Variants in NGFR observed in about 807,000 individuals in gnomAD.
The protein encoded by NGFR is nerve growth factor receptor.
Under a neutral mutation model 43.2 loss-of-function variants are expected in NGFR, and 30 were observed. The observed-to-expected ratio is 0.69, with a 90% CI of 0.52 to 0.94. NGFR has a LOEUF of 0.94. Ranked by LOEUF, NGFR falls within the 40% of genes least tolerant of loss-of-function variation. NGFR has a pLI of 0.00. For synonymous variants in NGFR, 246 were observed against 259.6 expected (o/e 0.95, Z 0.50); for missense variants, 529 against 602.5 (o/e 0.88, Z 1.28).
intron 1 of NGFR, among the ~76,000 whole-genome samples, chr17:49,499,029 T>C (rs1335830445): frequency 6.6e-6 from 1 of 152,180 alleles, no homozygotes; most frequent in Non-Finnish European, 1.5e-5. Flanking sequence ...CAACCCAATG[T>C]TTTAGGTGAG....
chr17:49,513,298 A>C lies in NGFR; in HGVS notation c.*289A>C. The C allele has an allele frequency of 6.6e-6, 3 of 451,704 alleles. No homozygotes were observed. Among genetic ancestry groups the C allele is most frequent in the East Asian group, 3.7e-5 (1 of 27,244 alleles). The allele number at this position is 451,704 out of a possible 1,614,324, so 28.0% of individuals were successfully genotyped here. On this transcript the variant is annotated 3_prime_UTR_variant, in exon 6 of 6. Transcript: ENST00000172229. ...CTCAGGCCACCTGCCCCCTTCTCCCACACTGCTAGGTGGGCCAGCCCCTCC... is the reference window on the plus strand; with the variant it reads ...CTCAGGCCACCTGCCCCCTTCTCCCCCACTGCTAGGTGGGCCAGCCCCTCC...
In NGFR at chr17:49,514,732, T is replaced by C. The variant is rs1597866336; in HGVS notation, c.*1723T>C. On this transcript the variant is annotated 3_prime_UTR_variant, in exon 6 of 6. Coordinates refer to ENST00000172229, the MANE Select transcript of NGFR (RefSeq NM_002507.4). ...TGGGCACCTGGGGAGTGGGACAGAG[T>C]CTGGGTGTATTTATTTTCCTCCCCA... 6.6e-6 allele frequency: 1 copy of C among 151,932 alleles called. No individual in the cohort carries two copies. The highest frequency in any genetic ancestry group is 1.5e-5 in the Non-Finnish European group (1 of 67,948). The allele number at this position is 151,932 out of a possible 1,614,324, so 9.4% of individuals were successfully genotyped here.
In NGFR at chr17:49,506,525, G is replaced by A. The variant is rs745609643; in HGVS notation, c.435G>A (p.Val145=). ...CCTGCCAGGACAAGCAGAACACCGT[G>A]TGCGAGGAGTGCCCCGACGGCACGT... ...VFSCQDKQNT[V]CEECPDGTYS... Residue 145 remains valine (V), a synonymous_variant, in exon 3 of 6, where the codon GTG becomes GTA. Coordinates refer to ENST00000172229, the MANE Select transcript of NGFR (RefSeq NM_002507.4). 3.1e-6 allele frequency: 5 copies of A among 1,611,870 alleles called. No individual in the cohort carries two copies. In the East Asian group the frequency reaches 1.1e-4, roughly 36 times the overall value.
chr17:49,506,404 C>T lies in NGFR; in HGVS notation c.314C>T (p.Ala105Val). ...MSAPCVEADD[A>V]VCRCAYGYYQ... ...GCGCCGTGCGTGGAGGCCGACGACG[C>T]CGTGTGCCGCTGCGCCTACGGCTAC... is the stretch of plus-strand genomic sequence containing the variant. The change falls in exon 3 of 6, where the codon GCC becomes GTC. Residue 105 changes from alanine to valine, a missense_variant. Transcript: ENST00000172229. 1 of 1,603,994 alleles carries T rather than the reference C, an allele frequency of 6.2e-7. No homozygotes were observed.
chr17:49,503,312 A>G (rs2071178295), intron 2 of NGFR, among the ~76,000 whole-genome samples: 1 of 152,034 alleles, frequency 6.6e-6, no homozygotes, highest in African/African-American at 2.4e-5. Context: ...CAGGGTCTGA[A>G]TTCCCTCATG....
intron 1 of NGFR, chr17:49,497,497 G>C (rs749616717): frequency 6.6e-6 from 1 of 152,430 alleles, no homozygotes; most frequent in African/African-American, 2.4e-5. Context: ...CAAGGAAGGA[G>C]GGGAGCTGGG....
chr17:49,506,471 G>A lies in NGFR; in HGVS notation c.381G>A (p.Val127=). The A allele has an allele frequency of 6.2e-7, 1 of 1,610,054 alleles. No individual in the cohort carries two copies. The highest frequency in any genetic ancestry group is 8.5e-7 in the Non-Finnish European group (1 of 1,179,194). The change falls in exon 3 of 6, where the codon GTG becomes GTA. Residue 127 remains valine (V), a synonymous_variant. Coordinates refer to ENST00000172229, the MANE Select transcript of NGFR (RefSeq NM_002507.4). ...ETTGRCEACR[V]CEAGSGLVFS... Reference sequence around the variant, plus strand: ...CTGGGCGCTGCGAGGCGTGCCGCGTGTGCGAGGCGGGCTCGGGCCTCGTGT... The same window carrying A: ...CTGGGCGCTGCGAGGCGTGCCGCGTATGCGAGGCGGGCTCGGGCCTCGTGT...
At chr17:49,498,210 T>G (rs1157693665) in intron 1 of NGFR, among the ~76,000 whole-genome samples, 1 of 152,108 alleles carries the variant, frequency 6.6e-6, no homozygotes, top group African/African-American at 2.4e-5. Flanking sequence ...GCCCCCTACC[T>G]TCTAGATCAT....
At chr17:49,501,999 A>AGGGGGGCCCCCCCCCCCCCCCCCCC in intron 1 of NGFR, 64 bp from the exon 2 acceptor site, 1 of 330,984 alleles carries the variant, frequency 3.0e-6, no homozygotes. Context: ...TCCCCGGAAG[A>AGGGGGGCCCCCCCCCCCCCCCCCCC]ACCCCCCCCA....
At chr17:49,506,782 G>A (rs1597862372) in intron 3 of NGFR, 124 bp downstream of exon 3, 1 of 897,962 alleles carries the variant, frequency 1.1e-6, no homozygotes, top group South Asian at 1.8e-5. Flanking sequence ...TGGTGACCTT[G>A]AGGCAGCGTG....
At position 49,512,958 on chromosome 17, in the gene NGFR, C is replaced by T. The variant is rs767957136; in HGVS notation, c.1233C>T (p.Ala411=). Reference sequence around the variant, plus strand: ...CCGCCCTGCGCCGCATCCAGCGAGCCGACCTCGTGGAGAGTCTGTGCAGTG... The same window carrying T: ...CCGCCCTGCGCCGCATCCAGCGAGCTGACCTCGTGGAGAGTCTGTGCAGTG... ...LLAALRRIQR[A]DLVESLCSES... The change falls in exon 6 of 6, where the codon GCC becomes GCT. Residue 411 remains alanine, a synonymous_variant. Transcript: ENST00000172229. The surrounding 1 kb of genome is among the most constrained non-coding windows in gnomAD (Gnocchi z 5.2). 1.4e-5 allele frequency: 23 copies of T among 1,608,272 alleles called. No homozygotes were observed. Among genetic ancestry groups the T allele is most frequent in the Admixed American group, 5.0e-5 (3 of 59,668 alleles).
intron 1 of NGFR, among the ~76,000 whole-genome samples, chr17:49,501,025 T>C (rs1006383683): frequency 4.6e-5 from 7 of 152,228 alleles, no homozygotes; most frequent in Non-Finnish European, 5.9e-5. Context: ...GAGGGCTGCA[T>C]GGTCTGGAGC....
At position 49,512,196 on chromosome 17, in the gene NGFR, G is replaced by A. The variant is rs555155748; in HGVS notation, c.982+144G>A. ...CTGTAGATGGATGGAGAGGCTGGCC[G>A]AGGGGAATGGGAGGGAGAGGTCCTC... On this transcript the variant is annotated intron_variant, in intron 5 of 5. Coordinates refer to ENST00000172229, the MANE Select transcript of NGFR (RefSeq NM_002507.4). The surrounding 1 kb of genome is among the most constrained non-coding windows in gnomAD (Gnocchi z 5.2). The A allele has an allele frequency of 3.0e-5, 31 of 1,046,278 alleles. No individual in the cohort carries two copies. In the African/African-American group the frequency reaches 3.4e-4, roughly 11 times the overall value. The allele number at this position is 1,046,278 out of a possible 1,614,324, so 64.8% of individuals were successfully genotyped here.
intron 2 of NGFR, among the ~76,000 whole-genome samples, chr17:49,503,827 T>C (rs1319257076): frequency 6.6e-6 from 1 of 152,180 alleles, no homozygotes; most frequent in Non-Finnish European, 1.5e-5. Context: ...CCTCTCTTGC[T>C]TCCTAGACTC....
At chr17:49,503,717 G>C (rs193191299) in intron 2 of NGFR, among the ~76,000 whole-genome samples, 1 of 152,170 alleles carries the variant, frequency 6.6e-6, no homozygotes, top group Non-Finnish European at 1.5e-5. Flanking sequence ...TGCCTTTGCC[G>C]TCTTGCTTCA....
intron 1 of NGFR, 63 bp from the exon 2 acceptor site, chr17:49,502,000 A>ACCGGCCCC: frequency 1.1e-5 from 3 of 264,886 alleles, no homozygotes; most frequent in East Asian, 8.6e-5. Context: ...CCCCGGAAGA[A>ACCGGCCCC]CCCCCCCCAA....
chr17:49,511,251 T>C (rs927976812), intron 4 of NGFR: 6 of 153,870 alleles, frequency 3.9e-5, no homozygotes, highest in Non-Finnish European at 7.2e-5. Context: ...TATTGGAATC[T>C]GTTTGAAATG....
chr17:49,509,833 T>G (rs548461795), intron 3 of NGFR, among the ~76,000 whole-genome samples: 57 of 152,224 alleles, frequency 3.7e-4, no homozygotes, highest in Non-Finnish European at 4.1e-4. Context: ...GCCTGAGACA[T>G]GAGGTCAAAA....
Position 49,512,954 on chromosome 17 carries a change from G to T in NGFR, c.1229G>T (p.Arg410Leu), listed in dbSNP as rs774655797. The change falls in exon 6 of 6, where the codon CGA becomes CTA. Residue 410 changes from arginine to leucine, a missense_variant. By Grantham distance (102) the Arg-to-Leu change is moderately radical. Transcript: ENST00000172229. This position sits in a 1 kb window ranked among gnomAD's most constrained non-coding sequence, Gnocchi z 5.2. ...CTGGCCGCCCTGCGCCGCATCCAGC[G>T]AGCCGACCTCGTGGAGAGTCTGTGC... ...ALLAALRRIQ[R>L]ADLVESLCSE... 6.2e-7 allele frequency: 1 copy of T among 1,609,372 alleles called. No individual in the cohort carries two copies. The highest frequency in any genetic ancestry group is 1.7e-5 in the Admixed American group (1 of 59,762).
Sources: allele counts gnomAD v4.1 joint callset (sites outside exome capture counted in the v4.1 genomes callset), GRCh38; gene constraint gnomAD v4.1.1; non-coding constraint Gnocchi (gnomAD v3.1); transcripts MANE v1.5; gene names NCBI Gene and HGNC (gene_info 2026-07-23, HGNC 2026-07-21).